Variants in ECD observed in about 807,000 individuals in gnomAD.
ECD encodes ecdysoneless cell cycle regulator, also known as protein ecdysoneless homolog.
Under a neutral mutation model 77.2 loss-of-function variants are expected in ECD, and 59 were observed. The observed-to-expected ratio is 0.76, with a 90% CI of 0.62 to 0.95. ECD has a LOEUF of 0.95. Ranked by LOEUF, ECD falls within the 40% of genes least tolerant of loss-of-function variation. The probability of loss-of-function intolerance (pLI) is 0.00; values close to 1 mark genes in which losing one functional copy is unlikely to be tolerated. For synonymous variants in ECD, 233 were observed against 267.4 expected, an observed-to-expected ratio of 0.87 and a Z score of 1.26; for missense variants, 704 against 763.4, an observed-to-expected ratio of 0.92 and a Z score of 0.92.
chr10:73,137,976 G>A (rs1435278315), intron 12 of ECD, 27 bp downstream of exon 12: 1 of 1,530,188 alleles, frequency 6.5e-7, no homozygotes, highest in Admixed American at 2.1e-5. Flanking sequence ...GTTTCAAAAT[G>A]AAAGTCAACA....
intron 7 of ECD, 46 bp from the exon 8 acceptor site, chr10:73,148,450 C>T (rs760346798): frequency 9.4e-6 from 15 of 1,598,164 alleles, no homozygotes; most frequent in South Asian, 2.3e-5. Flanking sequence ...CCTTTTTTCC[C>T]GTATCTTATT....
At chr10:73,137,241 A>C (rs1021342649) in intron 12 of ECD, among the ~76,000 whole-genome samples, 1 of 152,130 alleles carries the variant, frequency 6.6e-6, no homozygotes, top group Admixed American at 6.5e-5. Context: ...TGATGTAAAC[A>C]TTCAAGCCAT....
Position 73,154,429 on chromosome 10 carries a change from C to A in ECD, c.610G>T (p.Ala204Ser), listed in dbSNP as rs1451948944. 1 of 1,608,954 alleles carries A rather than the reference C, an allele frequency of 6.2e-7. No individual in the cohort carries two copies. The highest frequency in any genetic ancestry group is 2.2e-5 in the East Asian group (1 of 44,826). Residue 204 changes from alanine (A) to serine (S), a missense_variant, in exon 6 of 14, where the codon GCC (alanine) becomes TCC (serine). Around this residue, in one of 3 missense-constraint regions of ECD, gnomAD observed 559 missense variants for 583.7 expected, o/e 0.96. Coordinates refer to ENST00000372979, the MANE Select transcript of ECD (RefSeq NM_007265.3). ...AAGCAGTGTGCTCGATGAAGTGAGG[C>A]CTGAATTTTTTCTGGGTACCTGGGA... The part of the protein sequence containing the change: ...RIRGYPEKIQ[A>S]SLHRAHCFLP...
intron 7 of ECD, among the ~76,000 whole-genome samples, chr10:73,151,284 C>A (rs1346565009): frequency 1.3e-5 from 2 of 150,320 alleles, no homozygotes; most frequent in South Asian, 2.1e-4. Context: ...GGACAAAAAA[C>A]CAAACACCGC....
chr10:73,162,108 G>A (rs867759689), intron 2 of ECD, among the ~76,000 whole-genome samples: 4 of 152,308 alleles, frequency 2.6e-5, no homozygotes, highest in Non-Finnish European at 4.4e-5. Flanking sequence ...TTGAAGCAAT[G>A]GGAACTACTG....
chr10:73,145,831 T>A (rs958361578), intron 9 of ECD, among the ~76,000 whole-genome samples: 1 of 151,866 alleles, frequency 6.6e-6, no homozygotes, highest in African/African-American at 2.4e-5. Context: ...TTTTAGTAGA[T>A]ACGGGGTTTC....
intron 9 of ECD, among the ~76,000 whole-genome samples, chr10:73,140,060 C>T (rs1843032560): frequency 6.6e-6 from 1 of 151,950 alleles, no homozygotes; most frequent in African/African-American, 2.4e-5. Context: ...CCTCGGCTCA[C>T]CACAACCTCC....
chr10:73,154,112 A>T (rs1843260371), intron 6 of ECD, 144 bp downstream of exon 6: 1 of 831,338 alleles, frequency 1.2e-6, no homozygotes, highest in African/African-American at 1.7e-5. Flanking sequence ...CTATGAAGAA[A>T]CAGAATATTT....
intron 9 of ECD, among the ~76,000 whole-genome samples, chr10:73,140,780 T>A (rs1007888217): frequency 1.3e-5 from 2 of 151,888 alleles, no homozygotes; most frequent in African/African-American, 4.8e-5. Flanking sequence ...TGGAACATCA[T>A]TATGAAGCCA....
chr10:73,155,223 C>T (rs1291030457), intron 5 of ECD, among the ~76,000 whole-genome samples: 2 of 151,848 alleles, frequency 1.3e-5, no homozygotes, highest in African/African-American at 2.4e-5. Context: ...CCTGCCACCA[C>T]GCCCGGCTAA....
Position 73,134,563 on chromosome 10 carries a change from A to C in ECD, c.*20T>G, listed in dbSNP as rs778542289. On this transcript the variant is annotated 3_prime_UTR_variant, in exon 14 of 14. Transcript: ENST00000372979. Reference sequence around the variant, plus strand: ...TTCAATATTTATTTAAAAAGAAAAAAGAGAAGCTAAATGTGCTGGTTAATT... The same window carrying C: ...TTCAATATTTATTTAAAAAGAAAAACGAGAAGCTAAATGTGCTGGTTAATT... The C allele has an allele frequency of 6.3e-7, 1 of 1,589,696 alleles. No homozygotes were observed. The highest frequency in any genetic ancestry group is 8.6e-7 in the Non-Finnish European group (1 of 1,161,544).
At position 73,138,116 on chromosome 10, in the gene ECD, C is replaced by T. The variant is rs1000199532; in HGVS notation, c.1422-46G>A. 3 of 1,403,138 alleles carry T rather than the reference C, an allele frequency of 2.1e-6. No homozygotes were observed. The African/African-American group carries it at 4.6e-5, about 21-fold the overall frequency. 86.9% of individuals were successfully genotyped at this position (1,403,138 alleles called of 1,614,324 possible). On this transcript the variant is annotated intron_variant, in intron 11 of 13. Transcript: ENST00000372979. ...GACAATTAATTTATTCTAAATACAA[C>T]TCTTTGAAACTTTTCTAAAGTGGTG... is the stretch of plus-strand genomic sequence containing the variant.
intron 9 of ECD, among the ~76,000 whole-genome samples, chr10:73,142,010 C>T (rs1040423678): frequency 3.9e-5 from 6 of 152,050 alleles, no homozygotes; most frequent in Non-Finnish European, 5.9e-5. Flanking sequence ...GGCTAGAGTG[C>T]GTGGCATGAT....
intron 2 of ECD, among the ~76,000 whole-genome samples, chr10:73,160,836 G>A (rs907372442): frequency 1.4e-4 from 21 of 152,208 alleles, no homozygotes; most frequent in Non-Finnish European, 2.8e-4. Context: ...CTGGAGGAAT[G>A]ACAAGAGGTG....
Position 73,136,807 on chromosome 10 carries a change from G to A in ECD, c.1601C>T (p.Ser534Phe). The A allele has an allele frequency of 6.2e-7, 1 of 1,614,024 alleles. No individual in the cohort carries two copies. The highest frequency in any genetic ancestry group is 8.5e-7 in the Non-Finnish European group (1 of 1,180,004). Residue 534 changes from serine (S) to phenylalanine (F), a missense_variant, in exon 13 of 14, where the codon TCC (serine) becomes TTC (phenylalanine). Physicochemically the swap from Ser to Phe is radical, Grantham distance 155. Coordinates refer to ENST00000372979, the MANE Select transcript of ECD (RefSeq NM_007265.3). ...GAGATTATCAAGTGTTCCTTTCAGG[G>A]AAGCCTCTTCGCCAGGTTCGTGTGT... ...FETHEPGEEA[S>F]LKGTLDNLKS...
chr10:73,144,787 A>G (rs1843102553), intron 9 of ECD, among the ~76,000 whole-genome samples: 1 of 152,146 alleles, frequency 6.6e-6, no homozygotes, highest in Non-Finnish European at 1.5e-5. Context: ...TTCCTGGCAA[A>G]TCCCAAAAAA....
intron 1 of ECD, among the ~76,000 whole-genome samples, chr10:73,165,406 C>T (rs967444749): frequency 2.6e-5 from 4 of 151,096 alleles, no homozygotes; most frequent in Admixed American, 2.6e-4. Flanking sequence ...GGCTGGAGTG[C>T]AGTGGAGTGA....
In ECD at chr10:73,146,271, C is replaced by T. The variant is rs2133256285; in HGVS notation, c.1127+5G>A. ...TTTGTAGTAGGAGTCTTAACAATAACTCACCTTTCTGGCCAGTCTACTGAG... is the reference window on the plus strand; with the variant it reads ...TTTGTAGTAGGAGTCTTAACAATAATTCACCTTTCTGGCCAGTCTACTGAG... On this transcript the variant is annotated splice_donor_5th_base_variant and intron_variant, in intron 9 of 13. Coordinates refer to ENST00000372979, the MANE Select transcript of ECD (RefSeq NM_007265.3). The T allele has an allele frequency of 6.3e-7, 1 of 1,578,162 alleles. No individual in the cohort carries two copies. The highest frequency in any genetic ancestry group is 8.7e-7 in the Non-Finnish European group (1 of 1,155,290).
At chr10:73,159,308 T>C (rs1364570294) in intron 3 of ECD, among the ~76,000 whole-genome samples, 1 of 152,264 alleles carries the variant, frequency 6.6e-6, no homozygotes, top group Non-Finnish European at 1.5e-5. Flanking sequence ...CCTACTTTGC[T>C]TCCTATACAA....
Sources: gnomAD v4.1 joint callset for allele counts (sites outside exome capture counted in the v4.1 genomes callset) on GRCh38, gnomAD v4.1.1 for gene constraint, gnomAD v4.1.1 regional missense constraint, MANE v1.5 for transcripts, NCBI Gene and HGNC (gene_info 2026-07-23, HGNC 2026-07-21) for gene names.